The following RIPK4 variants were observed in gnomAD, a reference collection of about 807,000 sequenced individuals.
The protein encoded by RIPK4 is receptor interacting serine/threonine kinase 4.
In RIPK4, 17 loss-of-function variants were observed where a neutral mutation model predicts 42.9. That is an observed-to-expected ratio of 0.40 (90% CI 0.27 to 0.59). The LOEUF (loss-of-function observed/expected upper bound fraction) is 0.59. Among genes scored for constraint, RIPK4 ranks in the 20% least tolerant of loss-of-function variants. The probability of loss-of-function intolerance (pLI) is 0.47; values close to 1 mark genes in which losing one functional copy is unlikely to be tolerated. For missense variants in RIPK4, 897 were observed against 1,104.4 expected (o/e 0.81, Z 2.66); for synonymous variants, 498 against 499.1 (o/e 1.00, Z 0.03).
chr21:41,752,648 G>A (rs552121331), intron 2 of RIPK4, among the ~76,000 whole-genome samples: 54 of 152,326 alleles, frequency 3.5e-4, no homozygotes, highest in African/African-American at 5.5e-4. Context: ...AAACCCCGGC[G>A]GCTGCTGGAC....
At chr21:41,747,265 G>A (rs2061174819) in intron 4 of RIPK4, among the ~76,000 whole-genome samples, 1 of 152,132 alleles carries the variant, frequency 6.6e-6, no homozygotes, top group African/African-American at 2.4e-5. Context: ...TCCCCAGCTG[G>A]CCTCCCCTGC....
intron 1 of RIPK4, among the ~76,000 whole-genome samples, chr21:41,764,769 A>G (rs1261814782): frequency 6.6e-6 from 1 of 152,216 alleles, no homozygotes; most frequent in Non-Finnish European, 1.5e-5. Context: ...ACCTAAAGGA[A>G]TCAGCTTCAC....
Position 41,740,019 on chromosome 21 carries a change from C to T in RIPK4, c.*819G>A, listed in dbSNP as rs1036425546. 2.6e-5 allele frequency: 4 copies of T among 151,608 alleles called. No homozygotes were observed. Among genetic ancestry groups the T allele is most frequent in the Non-Finnish European group, 4.4e-5 (3 of 67,908 alleles). 9.4% of individuals were successfully genotyped at this position (151,608 alleles called of 1,614,324 possible). On this transcript the variant is annotated 3_prime_UTR_variant, in exon 8 of 8. Coordinates refer to ENST00000332512, the MANE Select transcript of RIPK4 (RefSeq NM_020639.3). ...ACCTGAGGGGGCTCGCCTCAGTCCCCAGCACTGAGGTTACAAAGGGAGAAT... is the reference window on the plus strand; with the variant it reads ...ACCTGAGGGGGCTCGCCTCAGTCCCTAGCACTGAGGTTACAAAGGGAGAAT...
At chr21:41,758,024 AT>A (rs1226495582) in intron 1 of RIPK4, among the ~76,000 whole-genome samples, 46 of 79,164 alleles carry the variant, frequency 5.8e-4, no homozygotes, top group African/African-American at 2.8e-3. Context: ...AAAAAAAAAT[AT>A]ATATATATAT....
intron 1 of RIPK4, among the ~76,000 whole-genome samples, chr21:41,761,673 T>G (rs34445960): frequency 0.018 from 2,787 of 152,358 alleles, 43 homozygotes; most frequent in South Asian, 0.061. Flanking sequence ...TAAGTAGACA[T>G]TCTGAGAGTG....
At chr21:41,762,499 T>A (rs1036150479) in intron 1 of RIPK4, among the ~76,000 whole-genome samples, 14 of 152,164 alleles carry the variant, frequency 9.2e-5, no homozygotes, top group Admixed American at 8.5e-4. Context: ...TCCAGCGGCT[T>A]TAGGAAGCTC....
At chr21:41,762,739 T>C (rs1328151458) in intron 1 of RIPK4, among the ~76,000 whole-genome samples, 1 of 152,086 alleles carries the variant, frequency 6.6e-6, no homozygotes, top group African/African-American at 2.4e-5. Flanking sequence ...TTAATGATTC[T>C]GGCTTATTCT....
rs55812846 is a variant in RIPK4 at position 41,741,309 on chromosome 21, G to A, written c.1884C>T (p.Ser628=). ...RVARILIDLC[S]DVNVCSLLAQ... ...CCAGCAGGCTGCAGACGTTGACGTC[G>A]GAGCACAGGTCGATGAGGATGCGGG... is the stretch of plus-strand genomic sequence containing the variant. Residue 628 remains serine (S), a synonymous_variant, in exon 8 of 8, where the codon TCC becomes TCT. Transcript: ENST00000332512. 8,525 of 1,608,500 alleles carry A rather than the reference G, an allele frequency of 5.3e-3. 42 individuals carry two copies. Among genetic ancestry groups the A allele is most frequent in the Middle Eastern group, 0.011 (64 of 6,060 alleles).
Position 41,756,796 on chromosome 21 carries a change from T to C in RIPK4, c.203A>G (p.Glu68Gly), listed in dbSNP as rs981449606. 2.5e-6 allele frequency: 4 copies of C among 1,613,252 alleles called. No homozygotes were observed. The African/African-American group carries it at 5.3e-5, about 22-fold the overall frequency. Residue 68 changes from glutamate (E) to glycine (G), a missense_variant, in exon 2 of 8, where the codon GAA becomes GGA. Transcript: ENST00000332512. ...VDDRERMELL[E>G]EAKKMEMAKF... ...GGCCATCTCCATCTTCTTGGCTTCT[T>C]CCAAAAGCTCCATGCGCTCCCTGAA...
rs569555056 is a variant in RIPK4 at position 41,745,071 on chromosome 21, C to T, written c.936+688G>A. On this transcript the variant is annotated intron_variant, in intron 6 of 7. Coordinates refer to ENST00000332512, the MANE Select transcript of RIPK4 (RefSeq NM_020639.3). ...GGTTGCCTTCTTTCCCTTATCAGGGCCCAGGTCTGCCTCTGTACTAGCAAC... is the reference window on the plus strand; with the variant it reads ...GGTTGCCTTCTTTCCCTTATCAGGGTCCAGGTCTGCCTCTGTACTAGCAAC... Among the ~76,000 whole-genome samples the T allele has an allele frequency of 1.1e-4, 16 of 152,278 alleles. 1 individual carries two copies. The South Asian group carries it at 3.1e-3, about 30-fold the overall frequency.
intron 1 of RIPK4, among the ~76,000 whole-genome samples, chr21:41,759,322 G>A (rs1486678038): frequency 6.6e-6 from 1 of 152,060 alleles, no homozygotes; most frequent in African/African-American, 2.4e-5. Context: ...TGAACTCCTA[G>A]GCTCAAGTGA....
chr21:41,753,163 T>C (rs1029765663), intron 2 of RIPK4, among the ~76,000 whole-genome samples: 5 of 152,192 alleles, frequency 3.3e-5, no homozygotes, highest in Non-Finnish European at 4.4e-5. Context: ...TCCGTGGCCC[T>C]GGACTATTAG....
intron 1 of RIPK4, among the ~76,000 whole-genome samples, chr21:41,761,122 G>A (rs1040625321): frequency 1.8e-4 from 28 of 152,212 alleles, no homozygotes; most frequent in African/African-American, 5.3e-4. Context: ...AGATCAGATC[G>A]TGGGACTCTC....
chr21:41,745,138 C>T (rs1325115415), intron 6 of RIPK4, among the ~76,000 whole-genome samples: 3 of 152,186 alleles, frequency 2.0e-5, no homozygotes, highest in African/African-American at 7.2e-5. Context: ...CACACATGCA[C>T]TTTATGTTGA....
Position 41,746,789 on chromosome 21 carries a change from C to A in RIPK4, c.674-18G>T. The A allele has an allele frequency of 6.4e-7, 1 of 1,565,998 alleles. No individual in the cohort carries two copies. Among genetic ancestry groups the A allele is most frequent in the Non-Finnish European group, 8.6e-7 (1 of 1,157,090 alleles). On this transcript the variant is annotated intron_variant, in intron 4 of 7. Coordinates refer to ENST00000332512, the MANE Select transcript of RIPK4 (RefSeq NM_020639.3). ...CTTCTCATCTGCCAAGGGAAGGATG[C>A]GAGTCAGGGGCTCTGCAGGGCTGGG...
At chr21:41,746,911 G>A (rs188327126) in intron 4 of RIPK4, 140 bp from the exon 5 acceptor site, 67 of 923,514 alleles carry the variant, frequency 7.3e-5, no homozygotes, top group Admixed American at 6.3e-4. Context: ...CCCCCACTCC[G>A]TTTCAAAGGC....
At chr21:41,766,796 A>G (rs2061238507) in intron 1 of RIPK4, 64 bp downstream of exon 1, 1 of 1,509,114 alleles carries the variant, frequency 6.6e-7, no homozygotes, top group Non-Finnish European at 9.0e-7. Flanking sequence ...CCGGGACCAG[A>G]GCACCCCGAC....
At position 41,745,826 on chromosome 21, in the gene RIPK4, G is replaced by GGCTTTTCACACAGGTCC. The variant is rs1247917533; in HGVS notation, c.852_868dup (p.Pro290ArgfsTer11). 1 of 1,614,114 alleles carries GGCTTTTCACACAGGTCC rather than the reference G, an allele frequency of 6.2e-7. No homozygotes were observed. Among genetic ancestry groups the GGCTTTTCACACAGGTCC allele is most frequent in the Non-Finnish European group, 8.5e-7 (1 of 1,180,046 alleles). ...AGCAGTTTCTTTCACTTCGTCATCA[G>GGCTTTTCACACAGGTCC]GCTTTTCACACAGGTCCTCGGTTTC... On this transcript the variant is annotated frameshift_variant, in exon 6 of 8. Transcript: ENST00000332512. LOFTEE classifies it high-confidence loss of function.
Position 41,740,681 on chromosome 21 carries a change from C to T in RIPK4, c.*157G>A, listed in dbSNP as rs1011405560. ...CTTCACCTGGAGGGGACACTCCGGT[C>T]AGCAGCAGCCGCCTCCTGATGGCAC... On this transcript the variant is annotated 3_prime_UTR_variant, in exon 8 of 8. Transcript: ENST00000332512. 14 of 733,270 alleles carry T rather than the reference C, an allele frequency of 1.9e-5. No homozygotes were observed. The highest frequency in any genetic ancestry group is 2.8e-5 in the Non-Finnish European group (13 of 461,786). The allele number at this position is 733,270 out of a possible 1,614,324, so 45.4% of individuals were successfully genotyped here. A position where few individuals can be genotyped will look rare whatever the true frequency, so the allele number is the denominator to read the frequency against.
Sources: gnomAD v4.1 joint callset for allele counts (sites outside exome capture counted in the v4.1 genomes callset) on GRCh38, gnomAD v4.1.1 for gene constraint, MANE v1.5 for transcripts, NCBI Gene and HGNC (gene_info 2026-07-23, HGNC 2026-07-21) for gene names.